Variants in ABCB5 observed in about 807,000 individuals in gnomAD.
ABCB5 encodes ATP-binding cassette sub-family B member 5.
In ABCB5, 155 loss-of-function variants were observed where a neutral mutation model predicts 144.2. The observed-to-expected ratio is 1.08, with a 90% CI of 0.94 to 1.23. The LOEUF is 1.23. Ranked by LOEUF, ABCB5 falls within the 50% of genes most tolerant of loss-of-function variation. ABCB5 has a pLI of 0.00. For synonymous variants in ABCB5, 610 were observed against 528.6 expected, an observed-to-expected ratio of 1.15 and a Z score of -2.11; for missense variants, 1,830 against 1,520.8, an observed-to-expected ratio of 1.20 and a Z score of -3.38.
At chr7:20,706,473 T>C (rs1786826767) in intron 20 of ABCB5, among the ~76,000 whole-genome samples, 1 of 152,224 alleles carries the variant, frequency 6.6e-6, no homozygotes, top group African/African-American at 2.4e-5. Context: ...TTATTAATTG[T>C]TACTAATAAA....
chr7:20,728,790 A>G (rs1379487765), intron 23 of ABCB5, among the ~76,000 whole-genome samples: 1 of 152,240 alleles, frequency 6.6e-6, no homozygotes. Context: ...GTGGAAATAC[A>G]TAAACCTTGT....
At chr7:20,640,498 CTA>C (rs1179924100) in intron 5 of ABCB5, among the ~76,000 whole-genome samples, 1 of 152,148 alleles carries the variant, frequency 6.6e-6, no homozygotes, top group Non-Finnish European at 1.5e-5. Context: ...CCTTCTTGCA[CTA>C]AGGAGCGCTA....
At position 20,742,557 on chromosome 7, in the gene ABCB5, C is replaced by T. The variant is rs368481929; in HGVS notation, c.3025-320C>T. 7.2e-5 allele frequency among the ~76,000 whole-genome samples: 11 copies of T among 152,234 alleles called. No homozygotes were observed. In the South Asian group the frequency reaches 1.2e-3, roughly 17 times the overall value. On this transcript the variant is annotated intron_variant, in intron 24 of 27. Coordinates refer to ENST00000404938, the MANE Select transcript of ABCB5 (RefSeq NM_001163941.2). ...GCACAAACCACATTAAAAAGAAAAA[C>T]GTATTACCCAGATAAGCTGGTCAAA...
chr7:20,753,414 C>A lies in ABCB5; in HGVS notation c.3484C>A (p.Gln1162Lys), dbSNP rs1562594736. The change falls in exon 27 of 28, where the codon CAA becomes AAA. Residue 1162 changes from glutamine to lysine, a missense_variant. Physicochemically the swap from Gln to Lys is moderately conservative, Grantham distance 53. Coordinates refer to ENST00000404938, the MANE Select transcript of ABCB5 (RefSeq NM_001163941.2). ...KGAQLSGGQKQRLAIARALLQ... is the reference protein window; with the variant it reads ...KGAQLSGGQKKRLAIARALLQ... ...AGCACAGCTTTCTGGCGGCCAGAAA[C>A]AAAGACTAGCTATTGCAAGGGCTCT... 1 of 1,614,084 alleles carries A rather than the reference C, an allele frequency of 6.2e-7. No homozygotes were observed. The highest frequency in any genetic ancestry group is 1.7e-5 in the Admixed American group (1 of 60,004).
At chr7:20,646,207 C>G in intron 9 of ABCB5, 69 bp downstream of exon 9, 6 of 1,442,332 alleles carry the variant, frequency 4.2e-6, no homozygotes, top group Non-Finnish European at 5.6e-6. Flanking sequence ...GCCAAAATTC[C>G]TCTTTGAAGA....
At chr7:20,691,141 G>A (rs886233733) in intron 16 of ABCB5, among the ~76,000 whole-genome samples, 1 of 147,288 alleles carries the variant, frequency 6.8e-6, no homozygotes, top group Non-Finnish European at 1.5e-5. Flanking sequence ...GGAGCCTAGA[G>A]GGAAAACACA....
At chr7:20,693,978 C>T (rs1361933715) in intron 16 of ABCB5, among the ~76,000 whole-genome samples, 5 of 150,420 alleles carry the variant, frequency 3.3e-5, no homozygotes, top group African/African-American at 4.9e-5. Flanking sequence ...AATATTCTTA[C>T]ATTTATTTTA....
chr7:20,628,836 C>G lies in ABCB5; in HGVS notation c.257C>G (p.Thr86Arg), dbSNP rs772177449. 1 of 1,613,324 alleles carries G rather than the reference C, an allele frequency of 6.2e-7. No individual in the cohort carries two copies. Among genetic ancestry groups the G allele is most frequent in the Non-Finnish European group, 8.5e-7 (1 of 1,179,654 alleles). The change falls in exon 4 of 28, where the codon ACA becomes AGA. Residue 86 changes from threonine (T) to arginine (R), a missense_variant and splice_region_variant. Transcript: ENST00000404938. The part of the protein sequence containing the change: ...LISGCLVQTN[T>R]TNYQNCTQSQ... ...AGTGGATGTCTAGTCCAAACTAACA[C>G]AAGTGAGTATACGATTATTTTTCTG...
At chr7:20,742,717 C>A (rs185142542) in intron 24 of ABCB5, among the ~76,000 whole-genome samples, 160 bp from the exon 25 acceptor site, 1 of 152,274 alleles carries the variant, frequency 6.6e-6, no homozygotes, top group Non-Finnish European at 1.5e-5. Flanking sequence ...GTGACAGAAA[C>A]CCACTTGCAG....
At chr7:20,628,124 C>A (rs1396480102) in intron 3 of ABCB5, among the ~76,000 whole-genome samples, 3 of 152,182 alleles carry the variant, frequency 2.0e-5, no homozygotes, top group Non-Finnish European at 4.4e-5. Context: ...TTGACATTTA[C>A]ATTAGGTATT....
At chr7:20,620,825 C>G (rs1783792049) in intron 1 of ABCB5, among the ~76,000 whole-genome samples, 1 of 152,088 alleles carries the variant, frequency 6.6e-6, no homozygotes. Context: ...CTAAGAAAAA[C>G]AGTATGAATA....
intron 16 of ABCB5, among the ~76,000 whole-genome samples, chr7:20,694,711 C>T (rs1786349052): frequency 1.3e-5 from 2 of 152,006 alleles, no homozygotes; most frequent in Non-Finnish European, 1.5e-5. Flanking sequence ...CACATACACA[C>T]ACATACACGT....
intron 16 of ABCB5, among the ~76,000 whole-genome samples, chr7:20,695,074 AT>A (rs1291063245): frequency 6.6e-6 from 1 of 151,874 alleles, no homozygotes; most frequent in Non-Finnish European, 1.5e-5. Context: ...GTCAAAATAA[AT>A]TTTTTTTAAA....
At chr7:20,620,207 A>C (rs1783779924) in intron 1 of ABCB5, among the ~76,000 whole-genome samples, 1 of 152,204 alleles carries the variant, frequency 6.6e-6, no homozygotes, top group Admixed American at 6.5e-5. Flanking sequence ...CCACATTCAA[A>C]AGAATGAAGT....
chr7:20,629,864 T>C (rs1193964364), intron 4 of ABCB5, among the ~76,000 whole-genome samples: 1 of 152,150 alleles, frequency 6.6e-6, no homozygotes, highest in Non-Finnish European at 1.5e-5. Context: ...GGGGGTTTTT[T>C]GGTAGTAGTT....
chr7:20,669,119 C>T (rs1208707201), intron 14 of ABCB5, among the ~76,000 whole-genome samples: 1 of 151,126 alleles, frequency 6.6e-6, no homozygotes, highest in Non-Finnish European at 1.5e-5. Context: ...GTCAGCCCCC[C>T]ACCCGGCCAG....
At chr7:20,645,352 T>A (rs1784378373) in intron 7 of ABCB5, among the ~76,000 whole-genome samples, 1 of 152,226 alleles carries the variant, frequency 6.6e-6, no homozygotes, top group Non-Finnish European at 1.5e-5. Flanking sequence ...TTATATAAAA[T>A]CAGCTCCTAT....
At chr7:20,669,131 T>G (rs867732017) in intron 14 of ABCB5, among the ~76,000 whole-genome samples, 2 of 150,564 alleles carry the variant, frequency 1.3e-5, no homozygotes, top group Non-Finnish European at 3.0e-5. Context: ...CCCGGCCAGC[T>G]GCCCCATCCG....
At position 20,675,250 on chromosome 7, in the gene ABCB5, A is replaced by G. The variant is rs143318488; in HGVS notation, c.1708-6255A>G. 3.3e-5 allele frequency among the ~76,000 whole-genome samples: 5 copies of G among 152,234 alleles called. No homozygotes were observed. In the East Asian group the frequency reaches 7.7e-4, roughly 23 times the overall value. On this transcript the variant is annotated intron_variant, in intron 14 of 27. Coordinates refer to ENST00000404938, the MANE Select transcript of ABCB5 (RefSeq NM_001163941.2). ...ACTTCCTGATTTCAAAATACATTACAAAGTTATAGTAATTAAAACAGTATA... is the reference window on the plus strand; with the variant it reads ...ACTTCCTGATTTCAAAATACATTACGAAGTTATAGTAATTAAAACAGTATA...
Sources: allele counts gnomAD v4.1 joint callset (sites outside exome capture counted in the v4.1 genomes callset), GRCh38; gene constraint gnomAD v4.1.1; transcripts MANE v1.5; gene names NCBI Gene and HGNC (gene_info 2026-07-23, HGNC 2026-07-21).